The following CHN1 variants were observed in gnomAD, a reference collection of about 807,000 sequenced individuals.
The protein encoded by CHN1 is chimerin 1.
Under a neutral mutation model 59.5 loss-of-function variants are expected in CHN1, and 37 were observed. The observed-to-expected ratio is 0.62, with a 90% confidence interval of 0.48 to 0.82. CHN1 has a LOEUF of 0.82. Among genes scored for constraint, CHN1 ranks in the 40% least tolerant of loss-of-function variants. The probability of loss-of-function intolerance (pLI) is 0.00; values close to 1 mark genes in which losing one functional copy is unlikely to be tolerated. For synonymous variants in CHN1, 206 were observed against 200.4 expected (o/e 1.03, Z -0.24); for missense variants, 469 against 571.0 (o/e 0.82, Z 1.82).
chr2:174,875,316 C>G (rs1687534350), intron 6 of CHN1, among the ~76,000 whole-genome samples: 1 of 152,200 alleles, frequency 6.6e-6, no homozygotes, highest in Non-Finnish European at 1.5e-5. Flanking sequence ...GAAGTCCAGA[C>G]AGGTGAGATG....
intron 1 of CHN1, among the ~76,000 whole-genome samples, chr2:174,965,754 C>T (rs980929843): frequency 9.2e-5 from 14 of 152,134 alleles, no homozygotes; most frequent in Admixed American, 7.2e-4. Flanking sequence ...CAAAAATGTA[C>T]GGCAATAATA....
intron 10 of CHN1, among the ~76,000 whole-genome samples, chr2:174,809,485 T>C (rs867478875): frequency 1.2e-4 from 19 of 152,336 alleles, no homozygotes; most frequent in Middle Eastern, 3.4e-3. Flanking sequence ...CTTAATATTT[T>C]TGAGTTAACC....
intron 6 of CHN1, among the ~76,000 whole-genome samples, chr2:174,869,955 A>G (rs1388542342): frequency 6.6e-6 from 1 of 152,174 alleles, no homozygotes; most frequent in Non-Finnish European, 1.5e-5. Context: ...TTGGAGGGAA[A>G]TTTTACAGTA....
At chr2:174,877,040 T>C (rs1687586238) in intron 6 of CHN1, among the ~76,000 whole-genome samples, 1 of 152,120 alleles carries the variant, frequency 6.6e-6, no homozygotes, top group Admixed American at 6.5e-5. Flanking sequence ...ACAGTTCCAA[T>C]TACAATACCT....
At chr2:174,836,299 G>A (rs1464390518) in intron 7 of CHN1, among the ~76,000 whole-genome samples, 2 of 152,064 alleles carry the variant, frequency 1.3e-5, no homozygotes, top group African/African-American at 2.4e-5. Context: ...TACTTTTTCT[G>A]GTTTGCTAGT....
intron 5 of CHN1, among the ~76,000 whole-genome samples, chr2:174,903,400 T>G (rs1474545723): frequency 6.6e-6 from 1 of 152,250 alleles, no homozygotes; most frequent in East Asian, 1.9e-4. Context: ...TAGCCACTCC[T>G]TAATGATTTT....
chr2:174,923,239 C>T (rs1388285642), intron 3 of CHN1, among the ~76,000 whole-genome samples: 5 of 151,858 alleles, frequency 3.3e-5, no homozygotes, highest in African/African-American at 1.2e-4. Context: ...CTCCTGGGTT[C>T]ACGCCATTCT....
chr2:174,856,575 C>A (rs1686906555), intron 6 of CHN1, among the ~76,000 whole-genome samples: 1 of 152,134 alleles, frequency 6.6e-6, no homozygotes, highest in South Asian at 2.1e-4. Context: ...ATGAGAAATT[C>A]TCCAAGCACC....
At chr2:174,840,677 G>A (rs982600423) in intron 7 of CHN1, among the ~76,000 whole-genome samples, 1 of 152,112 alleles carries the variant, frequency 6.6e-6, no homozygotes, top group Non-Finnish European at 1.5e-5. Context: ...AGCCTGGAGA[G>A]TTTTATTTTA....
At chr2:174,945,214 T>A (rs1460640628) in intron 2 of CHN1, 3 of 478,890 alleles carry the variant, frequency 6.3e-6, no homozygotes, top group Non-Finnish European at 1.2e-5. Context: ...TTCTCCATAA[T>A]CTGGTCATTT....
chr2:174,980,828 C>T (rs1691124418), intron 1 of CHN1, among the ~76,000 whole-genome samples: 1 of 152,144 alleles, frequency 6.6e-6, no homozygotes, highest in Non-Finnish European at 1.5e-5. Context: ...AATTATCACT[C>T]TTCCAGTGAC....
chr2:174,962,658 A>G, intron 1 of CHN1, among the ~76,000 whole-genome samples: 1 of 19,018 alleles, frequency 5.3e-5, no homozygotes, highest in African/African-American at 2.7e-4. Flanking sequence ...GCACTTTGGA[A>G]GGCCCGGGGG....
At chr2:174,858,289 T>C (rs190553214) in intron 6 of CHN1, among the ~76,000 whole-genome samples, 53 of 152,314 alleles carry the variant, frequency 3.5e-4, no homozygotes, top group African/African-American at 1.1e-3. Flanking sequence ...TCAATTGTAA[T>C]TTATTTAAAA....
chr2:174,840,178 T>TA (rs1285366438), intron 7 of CHN1, among the ~76,000 whole-genome samples: 1 of 142,432 alleles, frequency 7.0e-6, no homozygotes, highest in African/African-American at 2.6e-5. Context: ...TTTTTTTTTT[T>TA]TTTTTTTTGA....
chr2:174,927,121 T>C (rs1689191678), intron 3 of CHN1, among the ~76,000 whole-genome samples: 1 of 152,126 alleles, frequency 6.6e-6, no homozygotes, highest in Non-Finnish European at 1.5e-5. Flanking sequence ...CTTTAAATAA[T>C]GATGCCCTCA....
intron 8 of CHN1, among the ~76,000 whole-genome samples, chr2:174,823,610 C>T (rs1201215793): frequency 4.0e-5 from 6 of 151,888 alleles, no homozygotes; most frequent in Non-Finnish European, 7.4e-5. Context: ...TTGCAGTGAG[C>T]CGAGATCGCG....
At chr2:174,819,223 C>T (rs559815553) in intron 8 of CHN1, among the ~76,000 whole-genome samples, 16 of 152,200 alleles carry the variant, frequency 1.1e-4, no homozygotes, top group South Asian at 8.3e-4. Flanking sequence ...TCTTTAGGTA[C>T]GATCAATCAA....
chr2:174,901,417 C>G (rs2105356789), intron 5 of CHN1, among the ~76,000 whole-genome samples: 1 of 152,298 alleles, frequency 6.6e-6, no homozygotes, highest in South Asian at 2.1e-4. Flanking sequence ...CTCAGAAAAG[C>G]CTTCCCTGAT....
At chr2:174,900,367 G>A (rs568992186) in intron 5 of CHN1, among the ~76,000 whole-genome samples, 5 of 152,206 alleles carry the variant, frequency 3.3e-5, no homozygotes, top group South Asian at 2.1e-4. Context: ...AGCCAGGTGC[G>A]GTGATATGTG....
Sources: allele counts gnomAD v4.1 joint callset (sites outside exome capture counted in the v4.1 genomes callset), GRCh38; gene constraint gnomAD v4.1.1; transcripts MANE v1.5; gene names NCBI Gene and HGNC (gene_info 2026-07-23, HGNC 2026-07-21).